Variants in NCOA1 observed in about 807,000 individuals in gnomAD.
NCOA1 encodes nuclear receptor coactivator 1.
NCOA1 carries 35 observed loss-of-function variants against 150.9 expected under a neutral mutation model. That is an observed-to-expected ratio of 0.23 (90% confidence interval 0.18 to 0.31). NCOA1 has a LOEUF of 0.31. Among genes scored for constraint, NCOA1 ranks in the 10% least tolerant of loss-of-function variants. NCOA1 has a pLI of 1.00. For synonymous variants in NCOA1, 590 were observed against 630.0 expected, an observed-to-expected ratio of 0.94 and a Z score of 0.95; for missense variants, 1,491 against 1,749.3, an observed-to-expected ratio of 0.85 and a Z score of 2.63.
At chr2:24,580,615 T>C (rs1250638252) in intron 2 of NCOA1, among the ~76,000 whole-genome samples, 1 of 152,250 alleles carries the variant, frequency 6.6e-6, no homozygotes, top group Admixed American at 6.5e-5. Context: ...GGTTCTTCTT[T>C]ATATCTTTTC....
At chr2:24,694,990 T>C (rs569322827) in intron 10 of NCOA1, among the ~76,000 whole-genome samples, 1 of 152,212 alleles carries the variant, frequency 6.6e-6, no homozygotes, top group African/African-American at 2.4e-5. Context: ...AAAAAGGTTA[T>C]TGTCAGGTCA....
At chr2:24,646,238 T>C (rs895715677) in intron 4 of NCOA1, among the ~76,000 whole-genome samples, 12 of 152,190 alleles carry the variant, frequency 7.9e-5, no homozygotes, top group Non-Finnish European at 1.5e-4. Flanking sequence ...AAACATTTTA[T>C]GGAATTTGCT....
intron 1 of NCOA1, among the ~76,000 whole-genome samples, chr2:24,562,484 G>A (rs1314648865): frequency 6.6e-6 from 1 of 152,132 alleles, no homozygotes; most frequent in African/African-American, 2.4e-5. Context: ...TACACAAATG[G>A]GTAAGGAAAA....
intron 7 of NCOA1, among the ~76,000 whole-genome samples, chr2:24,682,417 T>G (rs1672216204): frequency 6.6e-6 from 1 of 152,156 alleles, no homozygotes; most frequent in Non-Finnish European, 1.5e-5. Context: ...AGGTTCTAAC[T>G]TTTCCCGTGC....
intron 14 of NCOA1, among the ~76,000 whole-genome samples, chr2:24,723,329 T>C (rs1055051213): frequency 6.6e-6 from 1 of 152,220 alleles, no homozygotes; most frequent in African/African-American, 2.4e-5. Context: ...CTTCTTACAG[T>C]TGTACCAGAA....
chr2:24,733,312 C>CT (rs1663114462), intron 17 of NCOA1, among the ~76,000 whole-genome samples: 1 of 151,928 alleles, frequency 6.6e-6, no homozygotes, highest in African/African-American at 2.4e-5. Flanking sequence ...GTGTCTGTGA[C>CT]TAAGTTCATG....
intron 1 of NCOA1, chr2:24,554,571 G>C (rs1309206857): frequency 6.6e-6 from 1 of 152,202 alleles, no homozygotes; most frequent in Non-Finnish European, 1.5e-5. Context: ...GTTGGATGCT[G>C]AGGTCAGTCC....
chr2:24,502,022 C>T (rs746099098), intron 1 of NCOA1, among the ~76,000 whole-genome samples: 3 of 152,178 alleles, frequency 2.0e-5, no homozygotes, highest in Non-Finnish European at 4.4e-5. Context: ...TTGGCTTTTA[C>T]AGGTGTTTGA....
chr2:24,507,445 T>G (rs1406422948), intron 1 of NCOA1, among the ~76,000 whole-genome samples: 1 of 151,332 alleles, frequency 6.6e-6, no homozygotes, highest in African/African-American at 2.4e-5. Context: ...GTTTTTTTTT[T>G]TTTTTTTTTT....
chr2:24,669,427 G>T (rs1671587097), intron 6 of NCOA1, among the ~76,000 whole-genome samples: 1 of 152,132 alleles, frequency 6.6e-6, no homozygotes, highest in Non-Finnish European at 1.5e-5. Flanking sequence ...CCCAGAAATT[G>T]CATGTCACTT....
chr2:24,654,799 A>G (rs1236217432), intron 4 of NCOA1, among the ~76,000 whole-genome samples: 1 of 151,750 alleles, frequency 6.6e-6, no homozygotes, highest in African/African-American at 2.4e-5. Context: ...CATGTTTCTC[A>G]AAAAGCAGTT....
chr2:24,624,437 AAGT>A (rs1365639186), intron 3 of NCOA1, among the ~76,000 whole-genome samples: 1 of 152,218 alleles, frequency 6.6e-6, no homozygotes, highest in Non-Finnish European at 1.5e-5. Context: ...TATTTTTAGA[AAGT>A]AGACAGATTA....
At chr2:24,538,647 A>AT (rs1022033465) in intron 1 of NCOA1, among the ~76,000 whole-genome samples, 1 of 152,082 alleles carries the variant, frequency 6.6e-6, no homozygotes, top group Non-Finnish European at 1.5e-5. Flanking sequence ...CTTTTATTCT[A>AT]TTTTTTCTTG....
At chr2:24,561,254 A>G (rs914413065) in intron 1 of NCOA1, among the ~76,000 whole-genome samples, 10 of 152,216 alleles carry the variant, frequency 6.6e-5, no homozygotes, top group African/African-American at 2.4e-4. Flanking sequence ...AATGACCTGC[A>G]TGTGGATGAT....
chr2:24,545,381 T>C (rs907496309), intron 1 of NCOA1, among the ~76,000 whole-genome samples: 19 of 152,132 alleles, frequency 1.2e-4, no homozygotes, highest in Non-Finnish European at 2.5e-4. Flanking sequence ...ATAAATAATA[T>C]TGCATTATTG....
chr2:24,531,397 A>C (rs1233601126), intron 1 of NCOA1, among the ~76,000 whole-genome samples: 2 of 152,162 alleles, frequency 1.3e-5, no homozygotes, highest in Non-Finnish European at 2.9e-5. Flanking sequence ...CTCAGCCATA[A>C]AAAGAAAAAA....
At chr2:24,692,473 A>C (rs6749833) in intron 9 of NCOA1, among the ~76,000 whole-genome samples, 36,511 of 152,150 alleles carry the variant, frequency 0.24, 4,497 homozygotes, top group Non-Finnish European at 0.27. Context: ...TAAAAACATG[A>C]AGTCATCTGT....
intron 14 of NCOA1, among the ~76,000 whole-genome samples, chr2:24,711,647 C>G (rs147426066): frequency 6.6e-6 from 1 of 152,322 alleles, no homozygotes; most frequent in African/African-American, 2.4e-5. Flanking sequence ...TCAAGTAATA[C>G]ATGTTATACC....
chr2:24,588,009 A>C (rs183496440), intron 3 of NCOA1, among the ~76,000 whole-genome samples: 13 of 152,236 alleles, frequency 8.5e-5, no homozygotes, highest in Admixed American at 2.6e-4. Context: ...TTACCCACTG[A>C]GCATCATGGC....
Sources: allele counts gnomAD v4.1 joint callset (sites outside exome capture counted in the v4.1 genomes callset), GRCh38; gene constraint gnomAD v4.1.1; transcripts MANE v1.5; gene names NCBI Gene and HGNC (gene_info 2026-07-23, HGNC 2026-07-21).